Variants in PDE1A observed in about 807,000 individuals in gnomAD.
The protein encoded by PDE1A is phosphodiesterase 1A, also known as dual specificity calcium/calmodulin-dependent 3',5'-cyclic nucleotide phosphodiesterase 1A.
PDE1A carries 35 observed loss-of-function variants against 61.7 expected under a neutral mutation model. The observed-to-expected ratio is 0.57, with a 90% CI of 0.43 to 0.75. The LOEUF is 0.75. PDE1A is among the 30% of genes least tolerant of loss of function. The pLI is 0.00. For synonymous variants in PDE1A, 232 were observed against 213.2 expected (o/e 1.09, Z -0.77); for missense variants, 597 against 630.6 (o/e 0.95, Z 0.57).
chr2:182,271,429 G>A (rs191959483), intron 1 of PDE1A, among the ~76,000 whole-genome samples: 192 of 152,072 alleles, frequency 1.3e-3, no homozygotes, highest in African/African-American at 4.4e-3. Context: ...TAAGTACAAA[G>A]GAATATATTC....
the PDE1A span, among the ~76,000 whole-genome samples, chr2:182,573,963 AT>A: frequency 5.3e-5 from 5 of 94,494 alleles, no homozygotes; most frequent in African/African-American, 3.3e-4. Flanking sequence ...ATATTTATAT[AT>A]TTTTTTATAC....
chr2:182,407,638 C>T (rs1040931074), intron 1 of PDE1A, among the ~76,000 whole-genome samples: 1 of 152,112 alleles, frequency 6.6e-6, no homozygotes, highest in Admixed American at 6.5e-5. Flanking sequence ...GCCTGGGCCT[C>T]CCACAGTGCT....
At chr2:182,386,456 C>A (rs949166323) in intron 1 of PDE1A, among the ~76,000 whole-genome samples, 1 of 151,494 alleles carries the variant, frequency 6.6e-6, no homozygotes. Flanking sequence ...TCTGCCCCGG[C>A]GCCCTGTCTG....
intron 2 of PDE1A, among the ~76,000 whole-genome samples, chr2:182,471,897 C>A (rs1009033230): frequency 2.0e-5 from 3 of 151,680 alleles, no homozygotes; most frequent in African/African-American, 4.8e-5. Flanking sequence ...TAAAACTGGG[C>A]TAGGGCAATG....
At chr2:182,344,466 C>T (rs1173096668) in intron 1 of PDE1A, among the ~76,000 whole-genome samples, 1 of 152,140 alleles carries the variant, frequency 6.6e-6, no homozygotes, top group South Asian at 2.1e-4. Context: ...AGACTCCATA[C>T]TATTTTATAC....
At position 182,223,850 on chromosome 2, in the gene PDE1A, T is replaced by G. The variant is rs761791736; in HGVS notation, c.776+14A>C. On this transcript the variant is annotated intron_variant, in intron 7 of 13. Coordinates refer to ENST00000351439, the Ensembl canonical transcript of PDE1A. ...AATTTTAACTAATGAAAGTTAATAC[T>G]TTTTCAGACTTACCTTGTCTGAATG... 92 of 1,472,918 alleles carry G rather than the reference T, an allele frequency of 6.2e-5. 1 individual carries two copies. The South Asian group carries it at 1.1e-3, about 18-fold the overall frequency. 91.2% of individuals were successfully genotyped at this position (1,472,918 alleles called of 1,614,324 possible).
At chr2:182,313,442 T>C (rs962960153) in intron 1 of PDE1A, among the ~76,000 whole-genome samples, 1 of 152,106 alleles carries the variant, frequency 6.6e-6, no homozygotes, top group African/African-American at 2.4e-5. Context: ...TTTCCGGCTT[T>C]CTACATAGGC....
At position 182,324,750 on chromosome 2, in the gene PDE1A, C is replaced by T. The variant is rs16823072; in HGVS notation, c.54-60336G>A. On this transcript the variant is annotated intron_variant, in intron 1 of 13. Transcript: ENST00000351439. ...TCTTTTTTTGTTCCCCCAGCATAGA[C>T]GGTTTGTCCCTTCCATCCTCCATTC... Among the ~76,000 whole-genome samples the T allele has an allele frequency of 3.2e-3, 491 of 152,258 alleles. 1 individual carries two copies. The highest frequency in any genetic ancestry group is 5.4e-3 in the Non-Finnish European group (369 of 68,018).
chr2:182,594,839 A>G, the PDE1A span, among the ~76,000 whole-genome samples: 1 of 152,180 alleles, frequency 6.6e-6, no homozygotes, highest in Admixed American at 6.6e-5. Flanking sequence ...ATAACACTGG[A>G]CCAGGTCCTG....
intron 1 of PDE1A, among the ~76,000 whole-genome samples, chr2:182,342,150 A>T (rs1698226198): frequency 6.6e-6 from 1 of 152,194 alleles, no homozygotes; most frequent in South Asian, 2.1e-4. Context: ...TGTTCATTTT[A>T]TAACTATTAA....
chr2:182,522,145 A>G, intron 2 of PDE1A: 1 of 687,654 alleles, frequency 1.5e-6, no homozygotes, highest in East Asian at 2.7e-5. Flanking sequence ...TAGCTGAGGT[A>G]GGCACATTTT....
exon 1 of PDE1A, chr2:182,427,030 C>T (rs1044593985): frequency 1.0e-6 from 1 of 996,030 alleles, no homozygotes; most frequent in East Asian, 1.1e-4. Context: ...TGGTCAAGCT[C>T]CGAAAGGCTA....
the PDE1A span, among the ~76,000 whole-genome samples, chr2:182,542,700 C>T: frequency 6.6e-6 from 1 of 152,124 alleles, no homozygotes; most frequent in Non-Finnish European, 1.5e-5. Flanking sequence ...AGAATTTCTA[C>T]ACTACGGGTT....
At chr2:182,613,952 G>T in the PDE1A span, among the ~76,000 whole-genome samples, 1 of 152,184 alleles carries the variant, frequency 6.6e-6, no homozygotes, top group Non-Finnish European at 1.5e-5. Context: ...TCAGAAATTA[G>T]TATGATAAGC....
At chr2:182,535,649 G>T in the PDE1A span, among the ~76,000 whole-genome samples, 1 of 152,086 alleles carries the variant, frequency 6.6e-6, no homozygotes, top group Non-Finnish European at 1.5e-5. Flanking sequence ...CTTTTTAAAT[G>T]TATGTACATT....
chr2:182,220,659 C>A (rs1688642053), intron 7 of PDE1A, among the ~76,000 whole-genome samples: 1 of 152,042 alleles, frequency 6.6e-6, no homozygotes, highest in African/African-American at 2.4e-5. Flanking sequence ...TTTATTTACA[C>A]TTTCAAGGAT....
the PDE1A span, among the ~76,000 whole-genome samples, chr2:182,657,044 GA>G: frequency 2.4e-4 from 37 of 152,254 alleles, no homozygotes; most frequent in African/African-American, 8.9e-4. Context: ...CCAACATGGT[GA>G]AACCCCCTCT....
chr2:182,465,988 G>T (rs1369079077), intron 2 of PDE1A, among the ~76,000 whole-genome samples: 1 of 151,926 alleles, frequency 6.6e-6, no homozygotes, highest in Non-Finnish European at 1.5e-5. Context: ...ACCAAACAAT[G>T]ATACAATTTA....
chr2:182,688,504 A>G, the PDE1A span, among the ~76,000 whole-genome samples: 1 of 152,154 alleles, frequency 6.6e-6, no homozygotes, highest in Admixed American at 6.5e-5. Flanking sequence ...CACTAGGCCT[A>G]CCCTACAAGA....
Sources: allele counts gnomAD v4.1 joint callset (sites outside exome capture counted in the v4.1 genomes callset), GRCh38; gene constraint gnomAD v4.1.1; transcripts MANE v1.5; gene names NCBI Gene and HGNC (gene_info 2026-07-23, HGNC 2026-07-21).